Variants in SNTG1 observed in about 807,000 individuals in gnomAD.
The protein encoded by SNTG1 is syntrophin gamma 1.
In SNTG1, 39 loss-of-function variants were observed where a neutral mutation model predicts 74.7. That is an observed-to-expected ratio of 0.52 (90% CI 0.40 to 0.68). SNTG1 has a LOEUF of 0.68. Among genes scored for constraint, SNTG1 ranks in the 30% least tolerant of loss-of-function variants. SNTG1 has a pLI of 0.00. For synonymous variants in SNTG1, 254 were observed against 217.1 expected, an observed-to-expected ratio of 1.17 and a Z score of -1.49; for missense variants, 685 against 609.5, an observed-to-expected ratio of 1.12 and a Z score of -1.30.
At chr8:50,266,678 G>A (rs372235296) in intron 2 of SNTG1, among the ~76,000 whole-genome samples, 79,180 of 136,214 alleles carry the variant, frequency 0.58, 25,769 homozygotes, top group East Asian at 0.85. Context: ...GTGTGTGTGT[G>A]TGTGTGTATA....
chr8:50,633,658 T>C (rs1335009765), intron 13 of SNTG1, among the ~76,000 whole-genome samples: 1 of 152,164 alleles, frequency 6.6e-6, no homozygotes, highest in Non-Finnish European at 1.5e-5. Context: ...AAAGTCTCTG[T>C]CTTTAAGAGG....
At chr8:50,365,286 G>C (rs754171165) in intron 2 of SNTG1, among the ~76,000 whole-genome samples, 1 of 152,106 alleles carries the variant, frequency 6.6e-6, no homozygotes, top group Non-Finnish European at 1.5e-5. Context: ...TGTGTACAAA[G>C]AGACATGGTG....
intron 9 of SNTG1, among the ~76,000 whole-genome samples, chr8:50,506,786 T>A (rs941184823): frequency 1.3e-5 from 2 of 152,072 alleles, no homozygotes; most frequent in Non-Finnish European, 2.9e-5. Flanking sequence ...CATTTGAATT[T>A]GGGTGACTTT....
chr8:50,577,201 CA>C (rs1451171273), intron 12 of SNTG1, among the ~76,000 whole-genome samples: 1 of 151,932 alleles, frequency 6.6e-6, no homozygotes, highest in Non-Finnish European at 1.5e-5. Context: ...AGAATTTTGT[CA>C]ATTGCTTTTT....
chr8:50,630,787 A>C (rs2094992074), intron 13 of SNTG1, among the ~76,000 whole-genome samples: 1 of 152,228 alleles, frequency 6.6e-6, no homozygotes, highest in Non-Finnish European at 1.5e-5. Context: ...CAAGTGAAGG[A>C]CAACTGTCAA....
intron 1 of SNTG1, among the ~76,000 whole-genome samples, chr8:50,009,491 G>A (rs1426264828): frequency 6.6e-6 from 1 of 152,126 alleles, no homozygotes; most frequent in Non-Finnish European, 1.5e-5. Flanking sequence ...ATTAGGCTAA[G>A]CATTTTTGCA....
intron 8 of SNTG1, among the ~76,000 whole-genome samples, chr8:50,464,341 C>T (rs1486778645): frequency 6.6e-6 from 1 of 152,162 alleles, no homozygotes; most frequent in African/African-American, 2.4e-5. Context: ...ATACCCCTTC[C>T]TCACTAAGTT....
intron 1 of SNTG1, among the ~76,000 whole-genome samples, chr8:50,062,515 T>A (rs1820563320): frequency 6.6e-6 from 1 of 152,226 alleles, no homozygotes; most frequent in Admixed American, 6.5e-5. Flanking sequence ...TTTCTGTTTC[T>A]AGCAATTTTC....
intron 1 of SNTG1, among the ~76,000 whole-genome samples, chr8:50,052,376 A>C (rs182234206): frequency 6.6e-6 from 1 of 152,156 alleles, no homozygotes; most frequent in Non-Finnish European, 1.5e-5. Flanking sequence ...ATCCACATGC[A>C]AAAAGAATTA....
At chr8:50,428,417 G>A (rs2093191631) in intron 4 of SNTG1, among the ~76,000 whole-genome samples, 2 of 152,236 alleles carry the variant, frequency 1.3e-5, no homozygotes, top group African/African-American at 4.8e-5. Flanking sequence ...AACTGACCTT[G>A]GTAAAGTTAC....
intron 17 of SNTG1, 125 bp from the exon 18 acceptor site, chr8:50,751,876 T>A: frequency 2.2e-6 from 1 of 453,960 alleles, no homozygotes; most frequent in Non-Finnish European, 3.9e-6. Flanking sequence ...AATTTCATTT[T>A]AAAATATTGG....
intron 2 of SNTG1, among the ~76,000 whole-genome samples, chr8:50,358,604 A>G (rs2091880560): frequency 6.6e-6 from 1 of 152,120 alleles, no homozygotes; most frequent in Non-Finnish European, 1.5e-5. Context: ...TTTCATAACA[A>G]TTTCATTTCA....
chr8:50,381,114 T>G (rs1403066902), intron 2 of SNTG1: 1 of 152,202 alleles, frequency 6.6e-6, no homozygotes, highest in Non-Finnish European at 1.5e-5. Flanking sequence ...TTTTTAAACA[T>G]TAAAGATGAT....
At chr8:50,728,927 C>T (rs1197152837) in intron 17 of SNTG1, among the ~76,000 whole-genome samples, 1 of 152,192 alleles carries the variant, frequency 6.6e-6, no homozygotes, top group African/African-American at 2.4e-5. Context: ...GTCCAGAGTT[C>T]TGTGCAGTGG....
intron 8 of SNTG1, among the ~76,000 whole-genome samples, chr8:50,469,318 T>C (rs952610744): frequency 6.6e-6 from 1 of 152,130 alleles, no homozygotes; most frequent in Non-Finnish European, 1.5e-5. Flanking sequence ...CTCCTCTTGT[T>C]TTCTTGGGTT....
intron 2 of SNTG1, among the ~76,000 whole-genome samples, chr8:50,186,862 C>A (rs2083403318): frequency 6.6e-6 from 1 of 152,090 alleles, no homozygotes; most frequent in South Asian, 2.1e-4. Context: ...ATGCTGGTTT[C>A]TTTTGCTGTG....
At chr8:49,935,241 TTG>T (rs1415063487) in intron 1 of SNTG1, among the ~76,000 whole-genome samples, 1 of 98,350 alleles carries the variant, frequency 1.0e-5, no homozygotes, top group Non-Finnish European at 2.1e-5. Flanking sequence ...GTGTGTGTGT[TTG>T]TGTGTGTTAA....
intron 15 of SNTG1, among the ~76,000 whole-genome samples, chr8:50,684,984 A>G (rs1411835308): frequency 1.4e-5 from 2 of 141,114 alleles, no homozygotes; most frequent in Admixed American, 7.6e-5. Context: ...ACTTACCTTT[A>G]CTCAAATTCA....
chr8:50,561,717 A>T (rs1354804465), intron 12 of SNTG1, among the ~76,000 whole-genome samples: 1 of 152,208 alleles, frequency 6.6e-6, no homozygotes, highest in Non-Finnish European at 1.5e-5. Context: ...AAAGTAAAAT[A>T]ATAGATTACG....
Sources: gnomAD v4.1 joint callset for allele counts (sites outside exome capture counted in the v4.1 genomes callset) on GRCh38, gnomAD v4.1.1 for gene constraint, MANE v1.5 for transcripts, NCBI Gene and HGNC (gene_info 2026-07-23, HGNC 2026-07-21) for gene names.